ZMIZ1: variants seen among roughly 807,000 people sequenced by gnomAD.
ZMIZ1 encodes zinc finger MIZ domain-containing protein 1.
In ZMIZ1, 17 loss-of-function variants were observed where a neutral mutation model predicts 113.9. The observed-to-expected ratio is 0.15, with a 90% CI of 0.10 to 0.22. The LOEUF is 0.22. Among genes scored for constraint, ZMIZ1 ranks in the 10% least tolerant of loss-of-function variants. The probability of loss-of-function intolerance (pLI) is 1.00; values close to 1 mark genes in which losing one functional copy is unlikely to be tolerated. For synonymous variants in ZMIZ1, 607 were observed against 603.1 expected (o/e 1.01, Z -0.09); for missense variants, 1,059 against 1,477.8 (o/e 0.72, Z 4.65).
In ZMIZ1 at chr10:79,314,519, T is replaced by G. The variant is rs996686535; in HGVS notation, c.*1770T>G. On this transcript the variant is annotated 3_prime_UTR_variant, in exon 25 of 25. Coordinates refer to ENST00000334512, the MANE Select transcript of ZMIZ1 (RefSeq NM_020338.4). ...TGTCGAGGTTTTTTCAAATAGCGTG[T>G]TGTTCAGTATGCAAATCAATTATTT... 20 of 319,618 alleles carry G rather than the reference T, an allele frequency of 6.3e-5. 1 individual carries two copies. Among genetic ancestry groups the G allele is most frequent in the South Asian group, 4.9e-4 (19 of 38,740 alleles). 19.8% of individuals were successfully genotyped at this position (319,618 alleles called of 1,614,324 possible).
At chr10:79,239,518 T>C (rs187397856) in intron 7 of ZMIZ1, among the ~76,000 whole-genome samples, 1 of 152,318 alleles carries the variant, frequency 6.6e-6, no homozygotes, top group African/African-American at 2.4e-5. Flanking sequence ...GGATCCTTGC[T>C]CAGCCCTGCT....
At chr10:79,228,756 A>G (rs1849285171) in intron 7 of ZMIZ1, among the ~76,000 whole-genome samples, 1 of 152,212 alleles carries the variant, frequency 6.6e-6, no homozygotes, top group South Asian at 2.1e-4. Context: ...GTATGGGGCT[A>G]GTCTCAGGCT....
In ZMIZ1 at chr10:79,106,867, G is replaced by A. The variant is rs116711964; in HGVS notation, c.-336-12048G>A. On this transcript the variant is annotated intron_variant, in intron 1 of 24. Transcript: ENST00000334512. ...ACAGGCATCGTGCAGGTGGCCGAGT[G>A]CCCCAGATTTTCTAGGACAGCCCTG... is the stretch of plus-strand genomic sequence containing the variant. Among the ~76,000 whole-genome samples the A allele has an allele frequency of 3.4e-3, 519 of 152,336 alleles. 3 individuals carry two copies. Among genetic ancestry groups the A allele is most frequent in the African/African-American group, 0.012 (507 of 41,574 alleles).
chr10:79,147,511 A>G (rs1845539581), intron 3 of ZMIZ1, among the ~76,000 whole-genome samples: 1 of 152,198 alleles, frequency 6.6e-6, no homozygotes, highest in Non-Finnish European at 1.5e-5. Context: ...CTGAATTATT[A>G]GCACCTACTG....
At chr10:79,302,079 G>A in intron 17 of ZMIZ1, 28 bp from the exon 18 acceptor site, 3 of 1,609,706 alleles carry the variant, frequency 1.9e-6, no homozygotes, top group Non-Finnish European at 2.5e-6. Flanking sequence ...CAGTGCACAG[G>A]AACTGAGTGT....
At chr10:79,152,458 C>T (rs1845750013) in intron 3 of ZMIZ1, among the ~76,000 whole-genome samples, 1 of 152,302 alleles carries the variant, frequency 6.6e-6, no homozygotes, top group African/African-American at 2.4e-5. Context: ...AGAGATTACA[C>T]CACTGCACTC....
At chr10:79,290,668 G>A in intron 9 of ZMIZ1, 1 of 619,498 alleles carries the variant, frequency 1.6e-6, no homozygotes, top group Non-Finnish European at 3.0e-6. Flanking sequence ...TCCCTTCACT[G>A]GGCTGCGCAG....
At chr10:79,282,450 C>A (rs964490918) in intron 8 of ZMIZ1, among the ~76,000 whole-genome samples, 1 of 152,200 alleles carries the variant, frequency 6.6e-6, no homozygotes, top group African/African-American at 2.4e-5. Context: ...GGAGCCTGGA[C>A]ACTTGCAGCC....
chr10:79,310,525 A>G lies in ZMIZ1; in HGVS notation c.2836-399A>G, dbSNP rs1163952213. On this transcript the variant is annotated intron_variant, in intron 23 of 24. Coordinates refer to ENST00000334512, the MANE Select transcript of ZMIZ1 (RefSeq NM_020338.4). ...CTTGGGATCTGCACCACGCTGAGGCAGCCGCCCTCCTGCCTCCCGCTCCCC... is the reference window on the plus strand; with the variant it reads ...CTTGGGATCTGCACCACGCTGAGGCGGCCGCCCTCCTGCCTCCCGCTCCCC... Among the ~76,000 whole-genome samples, 6 of 152,130 alleles carry G rather than the reference A, an allele frequency of 3.9e-5. No homozygotes were observed. The East Asian group carries it at 5.8e-4, about 15-fold the overall frequency.
At chr10:79,086,369 C>G (rs560973807) in intron 1 of ZMIZ1, among the ~76,000 whole-genome samples, 1 of 152,294 alleles carries the variant, frequency 6.6e-6, no homozygotes, top group South Asian at 2.1e-4. Flanking sequence ...GAGAAGGTGC[C>G]CAGTAAAGCC....
Position 79,312,854 on chromosome 10 carries a change from A to G in ZMIZ1, c.*105A>G. On this transcript the variant is annotated 3_prime_UTR_variant, in exon 25 of 25. Transcript: ENST00000334512. ...GTGCCCTCAGACCGCCCCGCACCAG[A>G]GCCACGGGCTGTGGGGCGGGGAGCC... is the stretch of plus-strand genomic sequence containing the variant. The G allele has an allele frequency of 9.3e-7, 1 of 1,080,084 alleles. No homozygotes were observed. Among genetic ancestry groups the G allele is most frequent in the Non-Finnish European group, 1.4e-6 (1 of 736,134 alleles). 66.9% of individuals were successfully genotyped at this position (1,080,084 alleles called of 1,614,324 possible). A position where few individuals can be genotyped will look rare whatever the true frequency, so the allele number is the denominator to read the frequency against.
At chr10:79,120,356 G>GAC (rs147100351) in intron 2 of ZMIZ1, among the ~76,000 whole-genome samples, 10,102 of 152,260 alleles carry the variant, frequency 0.066, 406 homozygotes, top group East Asian at 0.18. Flanking sequence ...ACAGCATTCT[G>GAC]ACACACGGGG....
chr10:79,233,286 C>G (rs1032815831), intron 7 of ZMIZ1, among the ~76,000 whole-genome samples: 6 of 152,356 alleles, frequency 3.9e-5, no homozygotes, highest in South Asian at 2.1e-4. Context: ...CTGCCTTAGT[C>G]TGTTCAGGCT....
In ZMIZ1 at chr10:79,314,436, C is replaced by T; in HGVS notation, c.*1687C>T. 7 of 352,352 alleles carry T rather than the reference C, an allele frequency of 2.0e-5. No homozygotes were observed. Among genetic ancestry groups the T allele is most frequent in the South Asian group, 1.3e-4 (6 of 47,300 alleles). 21.8% of individuals were successfully genotyped at this position (352,352 alleles called of 1,614,324 possible). On this transcript the variant is annotated 3_prime_UTR_variant, in exon 25 of 25. Transcript: ENST00000334512. ...CTTCCAGTCACTGTCCCAGACGGCA[C>T]AAGGTTTTCTGTAGGAAAGCTGCCA...
chr10:79,168,010 A>G (rs1293563329), intron 4 of ZMIZ1, among the ~76,000 whole-genome samples: 2 of 152,114 alleles, frequency 1.3e-5, no homozygotes, highest in Non-Finnish European at 2.9e-5. Context: ...CTGCTGGCCT[A>G]GAGAGTTCTC....
At chr10:79,166,000 G>GTGTGTGTGTC (rs36040251) in intron 4 of ZMIZ1, among the ~76,000 whole-genome samples, 5,776 of 113,828 alleles carry the variant, frequency 0.051, 246 homozygotes, top group Middle Eastern at 0.073. Context: ...GTGTGTGTGT[G>GTGTGTGTGTC]TGGGCTCTCC....
At chr10:79,075,103 C>G (rs772140396) in intron 1 of ZMIZ1, among the ~76,000 whole-genome samples, 17 of 152,178 alleles carry the variant, frequency 1.1e-4, no homozygotes, top group Non-Finnish European at 2.2e-4. Context: ...CTGCCCCAGC[C>G]CCAGCTCCAC....
At chr10:79,119,114 T>C (rs1240508633) in intron 2 of ZMIZ1, 90 bp downstream of exon 2, 2 of 152,194 alleles carry the variant, frequency 1.3e-5, no homozygotes, top group Non-Finnish European at 1.5e-5. Context: ...CATGGTGCTG[T>C]TTCAGGGGCC....
intron 1 of ZMIZ1, among the ~76,000 whole-genome samples, chr10:79,075,576 C>CATGCACACTTGCACACAT (rs137921527): frequency 6.7e-6 from 1 of 149,262 alleles, no homozygotes; most frequent in East Asian, 1.9e-4. Context: ...CATGCACACA[C>CATGCACACTTGCACACAT]ATGCACACAT....
Sources: allele counts gnomAD v4.1 joint callset (sites outside exome capture counted in the v4.1 genomes callset), GRCh38; gene constraint gnomAD v4.1.1; transcripts MANE v1.5; gene names NCBI Gene and HGNC (gene_info 2026-07-23, HGNC 2026-07-21).